Variants in ZNF148 observed in about 807,000 individuals in gnomAD.
ZNF148 encodes zinc finger protein 148.
In ZNF148, 7 loss-of-function variants were observed where a neutral mutation model predicts 67.7. The ratio of observed to expected loss-of-function variants is 0.10; its 90% CI spans 0.06 to 0.19. The LOEUF is 0.19. ZNF148 is among the 10% of genes least tolerant of loss of function. ZNF148 has a pLI of 1.00. For missense variants in ZNF148, 583 were observed against 947.1 expected, an observed-to-expected ratio of 0.62 and a Z score of 5.05; for synonymous variants, 333 against 330.7, an observed-to-expected ratio of 1.01 and a Z score of -0.08.
At chr3:125,321,403 T>TAAA (rs145459641) in intron 3 of ZNF148, among the ~76,000 whole-genome samples, 26 of 151,612 alleles carry the variant, frequency 1.7e-4, no homozygotes, top group African/African-American at 2.2e-4. Context: ...CTAAAAGCTT[T>TAAA]AAAAAAAACT....
At chr3:125,344,563 C>T (rs1559771529) in intron 1 of ZNF148, 1 of 956,450 alleles carries the variant, frequency 1.0e-6, no homozygotes, top group African/African-American at 1.6e-5. Flanking sequence ...ACTTCCACCT[C>T]CTCCTCCACC....
At chr3:125,274,261 C>A (rs1474363124) in intron 7 of ZNF148, among the ~76,000 whole-genome samples, 1 of 152,162 alleles carries the variant, frequency 6.6e-6, no homozygotes. Flanking sequence ...TATCTTCGAC[C>A]TTAGCCTCAA....
chr3:125,323,485 G>C (rs1940873596), intron 2 of ZNF148, 41 bp from the exon 3 acceptor site: 2 of 645,054 alleles, frequency 3.1e-6, no homozygotes. Context: ...ATTTATGGTA[G>C]GAAAAGATAC....
chr3:125,341,703 CAT>C lies in ZNF148; in HGVS notation c.-233-10467_-233-10466del, dbSNP rs1941730277. 7.9e-5 allele frequency among the ~76,000 whole-genome samples: 12 copies of C among 152,090 alleles called. 1 individual carries two copies. The South Asian group carries it at 2.5e-3, about 32-fold the overall frequency. On this transcript the variant is annotated intron_variant, in intron 1 of 8. Transcript: ENST00000360647. ...ATTTTTAAGGTGGGCTCAATAAAAACATAGAGATGGGCTAGGCATGGTGGCTC... is the reference window on the plus strand; with the variant it reads ...ATTTTTAAGGTGGGCTCAATAAAAACAGAGATGGGCTAGGCATGGTGGCTC...
chr3:125,263,525 T>G (rs949455956), intron 7 of ZNF148, among the ~76,000 whole-genome samples: 1 of 148,118 alleles, frequency 6.8e-6, no homozygotes, highest in African/African-American at 2.5e-5. Context: ...CACTCCAGCC[T>G]AGGAAATAGA....
At chr3:125,347,577 T>C (rs1316804329) in intron 1 of ZNF148, among the ~76,000 whole-genome samples, 1 of 151,974 alleles carries the variant, frequency 6.6e-6, no homozygotes, top group African/African-American at 2.4e-5. Flanking sequence ...TTATTTTTTT[T>C]TTTTTTCTGA....
intron 7 of ZNF148, among the ~76,000 whole-genome samples, chr3:125,250,907 T>A (rs187196505): frequency 5.9e-5 from 9 of 152,164 alleles, no homozygotes; most frequent in Admixed American, 1.3e-4. Flanking sequence ...TTAATTATCA[T>A]TATGGATCTT....
In ZNF148 at chr3:125,237,012, T is replaced by C. The variant is rs73859153; in HGVS notation, c.668-2683A>G. The stretch of plus-strand genomic sequence containing the variant: ...GGAAGCTGGGAGAGAAAGTCACTTA[T>C]AAAGGAAGTTTGGAAGTGAAAGAAA... On this transcript the variant is annotated intron_variant, in intron 7 of 8. Coordinates refer to ENST00000360647, the MANE Select transcript of ZNF148 (RefSeq NM_021964.3). Among the ~76,000 whole-genome samples the C allele has an allele frequency of 8.4e-3, 1,285 of 152,242 alleles. 24 individuals carry two copies. The highest frequency in any genetic ancestry group is 0.029 in the African/African-American group (1,188 of 41,534).
intron 2 of ZNF148, among the ~76,000 whole-genome samples, chr3:125,330,093 T>C (rs1026204841): frequency 2.0e-5 from 3 of 152,178 alleles, no homozygotes; most frequent in African/African-American, 7.2e-5. Context: ...ATGACAATTA[T>C]CAGAAGATAT....
intron 1 of ZNF148, among the ~76,000 whole-genome samples, chr3:125,355,220 T>C (rs1446975181): frequency 3.9e-5 from 6 of 152,232 alleles, no homozygotes; most frequent in African/African-American, 2.4e-5. Flanking sequence ...ATACATGATA[T>C]AGAGATATCA....
In ZNF148 at chr3:125,232,249, A is replaced by C. The variant is rs1935882809; in HGVS notation, c.*92T>G. 7.2e-7 allele frequency: 1 copy of C among 1,395,364 alleles called. No homozygotes were observed. The highest frequency in any genetic ancestry group is 9.5e-7 in the Non-Finnish European group (1 of 1,051,034). The allele number at this position is 1,395,364 out of a possible 1,614,324, so 86.4% of individuals were successfully genotyped here. On this transcript the variant is annotated 3_prime_UTR_variant, in exon 9 of 9. Coordinates refer to ENST00000360647, the MANE Select transcript of ZNF148 (RefSeq NM_021964.3). This position sits in a 1 kb window ranked among gnomAD's most constrained non-coding sequence, Gnocchi z 4.2. ...TAACTTGTTATTACGCATTGCTCTTAAATCTGTACAGCACTCCATTTACAC... is the reference window on the plus strand; with the variant it reads ...TAACTTGTTATTACGCATTGCTCTTCAATCTGTACAGCACTCCATTTACAC...
intron 7 of ZNF148, among the ~76,000 whole-genome samples, chr3:125,238,879 G>A (rs80052347): frequency 0.019 from 2,885 of 152,314 alleles, 38 homozygotes; most frequent in Non-Finnish European, 0.029. Flanking sequence ...ATCAACAGAT[G>A]AATGGATAGA....
chr3:125,232,741 C>T lies in ZNF148; in HGVS notation c.1985G>A (p.Gly662Glu). ...ATMPINSFRS[G>E]MNSPLRTTPD... Reference sequence around the variant, plus strand: ...AGTTGTTCTTAGTGGAGAATTCATTCCTGATCGAAAGCTATTGATGGGCAT... The same window carrying T: ...AGTTGTTCTTAGTGGAGAATTCATTTCTGATCGAAAGCTATTGATGGGCAT... Residue 662 changes from glycine (G) to glutamate (E), a missense_variant, in exon 9 of 9, where the codon GGA (glycine) becomes GAA (glutamate). Transcript: ENST00000360647. This position sits in a 1 kb window ranked among gnomAD's most constrained non-coding sequence, Gnocchi z 4.2. 6.2e-7 allele frequency: 1 copy of T among 1,613,804 alleles called. No homozygotes were observed. Among genetic ancestry groups the T allele is most frequent in the African/African-American group, 1.3e-5 (1 of 74,990 alleles).
chr3:125,363,629 A>C (rs2107786587), intron 1 of ZNF148, among the ~76,000 whole-genome samples: 1 of 150,000 alleles, frequency 6.7e-6, no homozygotes, highest in East Asian at 2.0e-4. Flanking sequence ...CACTATGACT[A>C]CCCAACTTAT....
intron 7 of ZNF148, among the ~76,000 whole-genome samples, chr3:125,264,085 C>T (rs985995281): frequency 2.6e-5 from 4 of 152,186 alleles, no homozygotes; most frequent in South Asian, 2.1e-4. Flanking sequence ...ACAGAAGCTC[C>T]GGTACTTGGG....
At chr3:125,333,640 T>C (rs1028038399) in intron 1 of ZNF148, among the ~76,000 whole-genome samples, 10 of 152,362 alleles carry the variant, frequency 6.6e-5, no homozygotes, top group Admixed American at 5.9e-4. Context: ...GATCTTCCTC[T>C]TTCCTTGCCC....
chr3:125,234,386 C>T (rs1004917412), intron 7 of ZNF148, 57 bp from the exon 8 acceptor site: 20 of 1,218,228 alleles, frequency 1.6e-5, no homozygotes, highest in African/African-American at 3.0e-5. Flanking sequence ...TAATGAATTG[C>T]TTTGCCATAA....
intron 1 of ZNF148, among the ~76,000 whole-genome samples, chr3:125,345,638 A>ATCCT (rs1259045724): frequency 2.0e-5 from 3 of 152,154 alleles, no homozygotes; most frequent in Middle Eastern, 6.3e-3. Flanking sequence ...ATCAGGTATG[A>ATCCT]AACAGAACAT....
intron 1 of ZNF148, among the ~76,000 whole-genome samples, chr3:125,350,300 A>G (rs1196250232): frequency 6.6e-6 from 1 of 152,052 alleles, no homozygotes; most frequent in Non-Finnish European, 1.5e-5. Flanking sequence ...AGCTGAGACT[A>G]CAGGCATGTG....
Sources: allele counts gnomAD v4.1 joint callset (sites outside exome capture counted in the v4.1 genomes callset), GRCh38; gene constraint gnomAD v4.1.1; non-coding constraint Gnocchi (gnomAD v3.1); transcripts MANE v1.5; gene names NCBI Gene and HGNC (gene_info 2026-07-23, HGNC 2026-07-21).